The following PGA5 variants were observed in gnomAD, a reference collection of about 807,000 sequenced individuals.
The protein encoded by PGA5 is pepsinogen A5, also known as pepsin A-5.
PGA5 carries 19 observed loss-of-function variants against 15.9 expected under a neutral mutation model. That is an observed-to-expected ratio of 1.19 (90% CI 0.83 to 1.75). The LOEUF (loss-of-function observed/expected upper bound fraction) is 1.75, where lower values mean the gene tolerates loss of function less well. PGA5 is among the 40% of genes most tolerant of loss of function. The probability of loss-of-function intolerance (pLI) is 0.00; values close to 1 mark genes in which losing one functional copy is unlikely to be tolerated. For synonymous variants in PGA5, 92 were observed against 95.8 expected (o/e 0.96, Z 0.23); for missense variants, 224 against 246.4 (o/e 0.91, Z 0.61).
At chr11:61,248,586 T>G (rs1854099308) in intron 6 of PGA5, 51 bp downstream of exon 6, 1 of 1,604,900 alleles carries the variant, frequency 6.2e-7, no homozygotes, top group African/African-American at 1.3e-5. Context: ...CAGATCCCAT[T>G]TCCTTATGGA....
intron 8 of PGA5, 78 bp downstream of exon 8, chr11:61,250,092 T>C: frequency 6.5e-7 from 1 of 1,550,114 alleles, no homozygotes; most frequent in South Asian, 1.2e-5. Context: ...AGAGGGAAAG[T>C]ACACTTCCAC....
rs369723730 is a variant in PGA5, at chr11:61,251,240, G to A, written c.1126G>A (p.Asp376Asn). Reference protein sequence around the residue: ...VFIRQYFTVFDRANNQVGLAP... With the variant: ...VFIRQYFTVFNRANNQVGLAP... ...CATCCGCCAGTACTTTACCGTCTTC[G>A]ACAGGGCAAACAACCAGGTCGGCCT... is the stretch of plus-strand genomic sequence containing the variant. Residue 376 changes from aspartate (D) to asparagine (N), a missense_variant, in exon 9 of 9, where the codon GAC (aspartate) becomes AAC (asparagine). Coordinates refer to ENST00000312403, the MANE Select transcript of PGA5 (RefSeq NM_014224.5). 2.5e-5 allele frequency: 41 copies of A among 1,611,806 alleles called. No individual in the cohort carries two copies. The highest frequency in any genetic ancestry group is 1.9e-4 in the African/African-American group (14 of 74,798).
In PGA5 at chr11:61,250,784, T is replaced by C. The variant is rs749577109; in HGVS notation, c.1018-348T>C. On this transcript the variant is annotated intron_variant, in intron 8 of 8. Coordinates refer to ENST00000312403, the MANE Select transcript of PGA5 (RefSeq NM_014224.5). ...AATAGCTCATCTGGTTTGTCCCTGA[T>C]GAGATAAGAATAATAATGAGAAAAG... The C allele has an allele frequency of 4.8e-4, 244 of 512,112 alleles. 1 individual carries two copies. Among genetic ancestry groups the C allele is most frequent in the African/African-American group, 1.5e-3 (76 of 51,960 alleles). 31.7% of individuals were successfully genotyped at this position (512,112 alleles called of 1,614,324 possible).
At chr11:61,247,392 C>T (rs1854079592) in intron 5 of PGA5, among the ~76,000 whole-genome samples, 1 of 151,770 alleles carries the variant, frequency 6.6e-6, no homozygotes, top group Admixed American at 6.6e-5. Context: ...CATTGTCTAC[C>T]TCAGCATCCC....
chr11:61,251,276 G>A lies in PGA5; in HGVS notation c.1162G>A (p.Ala388Thr). Residue 388 changes from alanine to threonine, a missense_variant, in exon 9 of 9, where the codon GCT becomes ACT. Physicochemically the swap from Ala to Thr is moderately conservative, Grantham distance 58. Transcript: ENST00000312403. ...CAACCAGGTCGGCCTGGCCCCTGTG[G>A]CTTAAGCCTAAGTCTCTTCAGCCAC... ...ANNQVGLAPVA is the reference protein window; with the variant it reads ...ANNQVGLAPVT 1 of 1,611,876 alleles carries A rather than the reference G, an allele frequency of 6.2e-7. No individual in the cohort carries two copies. The highest frequency in any genetic ancestry group is 8.5e-7 in the Non-Finnish European group (1 of 1,179,866).
chr11:61,251,318 G>T lies in PGA5; in HGVS notation c.*37G>T, dbSNP rs530232205. 6.2e-7 allele frequency: 1 copy of T among 1,611,802 alleles called. No individual in the cohort carries two copies. The highest frequency in any genetic ancestry group is 1.7e-5 in the Admixed American group (1 of 60,006). On this transcript the variant is annotated 3_prime_UTR_variant, in exon 9 of 9. Transcript: ENST00000312403. The stretch of plus-strand genomic sequence containing the variant: ...TTCAGCCACCTCCCAGGAAGATCTG[G>T]CCTCCGTCCTATGCCCACTTTAGAT...
Position 61,248,457 on chromosome 11 carries a change from T to C in PGA5, c.695T>C (p.Ile232Thr), listed in dbSNP as rs368518704. The change falls in exon 6 of 9, where the codon ATT becomes ACT. Residue 232 changes from isoleucine to threonine, a missense_variant. Physicochemically the swap from Ile to Thr is moderately conservative, Grantham distance 89. Coordinates refer to ENST00000312403, the MANE Select transcript of PGA5 (RefSeq NM_014224.5). ...GGCAGCGTGGTGATCTTTGGTGGCA[T>C]TGACTCTTCTTACTACACTGGAAGT... ...KSGSVVIFGG[I>T]DSSYYTGSLN... The C allele has an allele frequency of 5.0e-5, 81 of 1,613,648 alleles. No individual in the cohort carries two copies. The highest frequency in any genetic ancestry group is 7.7e-5 in the South Asian group (7 of 91,080).
At chr11:61,250,107 T>C (rs1854120314) in intron 8 of PGA5, 93 bp downstream of exon 8, 1 of 1,512,658 alleles carries the variant, frequency 6.6e-7, no homozygotes, top group African/African-American at 1.4e-5. Flanking sequence ...TTCCACGAGC[T>C]GAAGCCAGCA....
intron 5 of PGA5, 38 bp downstream of exon 5, chr11:61,246,183 C>G (rs1397878906): frequency 5.2e-5 from 17 of 325,888 alleles, no homozygotes; most frequent in African/African-American, 3.4e-5. Context: ...CCACCTCCCC[C>G]TCCAGAGGTC....
rs1255697192 is a variant in PGA5, at chr11:61,248,546, C to A, written c.773+11C>A. 6.2e-7 allele frequency: 1 copy of A among 1,611,372 alleles called. No homozygotes were observed. Among genetic ancestry groups the A allele is most frequent in the African/African-American group, 1.3e-5 (1 of 74,630 alleles). On this transcript the variant is annotated intron_variant, in intron 6 of 8. Transcript: ENST00000312403. ...GATCACCGTGGACAGGTGAGACTGC[C>A]ATGAACGGGCAGCATCCAGGCCTGG...
chr11:61,250,035 C>G, intron 8 of PGA5, 21 bp downstream of exon 8: 1 of 1,604,988 alleles, frequency 6.2e-7, no homozygotes, highest in East Asian at 2.2e-5. Flanking sequence ...TCTGGACCAT[C>G]CACTAGAGAG....
chr11:61,247,599 C>A (rs770290601), intron 5 of PGA5, among the ~76,000 whole-genome samples: 11 of 152,000 alleles, frequency 7.2e-5, no homozygotes, highest in Non-Finnish European at 1.5e-4. Context: ...TTTCTTATTG[C>A]CGTCTACATT....
At chr11:61,249,630 C>A (rs746612145) in intron 6 of PGA5, 39 bp from the exon 7 acceptor site, 1 of 1,613,444 alleles carries the variant, frequency 6.2e-7, no homozygotes, top group African/African-American at 1.3e-5. Context: ...AGATGAACCC[C>A]TGAGGGCTCA....
rs139579497 is a variant in PGA5 at position 61,249,681 on chromosome 11, C to G, written c.786C>G (p.Asn262Lys). ...WQITVDSITM[N>K]GETIACAEGC... ...TTCTTACCCTCAGCATCACCATGAACGGAGAGACCATCGCCTGTGCTGAGG... is the reference window on the plus strand; with the variant it reads ...TTCTTACCCTCAGCATCACCATGAAGGGAGAGACCATCGCCTGTGCTGAGG... The change falls in exon 7 of 9, where the codon AAC (asparagine) becomes AAG (lysine). Residue 262 changes from asparagine to lysine, a missense_variant. By Grantham distance (94) the Asn-to-Lys change is moderately conservative. Coordinates refer to ENST00000312403, the MANE Select transcript of PGA5 (RefSeq NM_014224.5). The G allele has an allele frequency of 1.1e-5, 17 of 1,613,432 alleles. No individual in the cohort carries two copies. The African/African-American group carries it at 1.9e-4, about 18-fold the overall frequency.
At chr11:61,250,616 G>A (rs978352916) in intron 8 of PGA5, 1 of 459,278 alleles carries the variant, frequency 2.2e-6, no homozygotes, top group African/African-American at 2.0e-5. Flanking sequence ...AAGAAGCACT[G>A]ATGCCTGGGC....
Position 61,251,293 on chromosome 11 carries a change from T to C in PGA5, c.*12T>C. The C allele has an allele frequency of 4.3e-6, 7 of 1,611,854 alleles. No homozygotes were observed. The highest frequency in any genetic ancestry group is 5.9e-6 in the Non-Finnish European group (7 of 1,179,850). ...CCCCTGTGGCTTAAGCCTAAGTCTC[T>C]TCAGCCACCTCCCAGGAAGATCTGG... On this transcript the variant is annotated 3_prime_UTR_variant, in exon 9 of 9. Coordinates refer to ENST00000312403, the MANE Select transcript of PGA5 (RefSeq NM_014224.5).
At chr11:61,248,217 G>C (rs761433404) in intron 5 of PGA5, 17 of 1,306,184 alleles carry the variant, frequency 1.3e-5, no homozygotes, top group Non-Finnish European at 1.9e-5. Flanking sequence ...CTCAGGCTCA[G>C]TGTCCTCATG....
chr11:61,248,309 G>A (rs1854094118), intron 5 of PGA5, 110 bp from the exon 6 acceptor site: 4 of 1,613,296 alleles, frequency 2.5e-6, no homozygotes, highest in Non-Finnish European at 3.4e-6. Flanking sequence ...CACACCCCAG[G>A]ACAGCCCTGG....
intron 5 of PGA5, among the ~76,000 whole-genome samples, chr11:61,246,885 T>C (rs1163782390): frequency 1.3e-5 from 2 of 152,080 alleles, no homozygotes; most frequent in Non-Finnish European, 2.9e-5. Flanking sequence ...GATGACATTT[T>C]TCAATCATGA....
Sources: gnomAD v4.1 joint callset for allele counts (sites outside exome capture counted in the v4.1 genomes callset) on GRCh38, gnomAD v4.1.1 for gene constraint, MANE v1.5 for transcripts, NCBI Gene and HGNC (gene_info 2026-07-23, HGNC 2026-07-21) for gene names.